CABP5: variants seen among roughly 807,000 people sequenced by gnomAD.
CABP5 encodes calcium-binding protein 5.
Under a neutral mutation model 21.9 loss-of-function variants are expected in CABP5, and 17 were observed. The ratio of observed to expected loss-of-function variants is 0.78; its 90% CI spans 0.53 to 1.17. The LOEUF is 1.17. CABP5 is among the 50% of genes most tolerant of loss of function. CABP5 has a pLI of 0.00. For missense variants in CABP5, 229 were observed against 228.9 expected, an observed-to-expected ratio of 1.00 and a Z score of 0.00; for synonymous variants, 85 against 79.4, an observed-to-expected ratio of 1.07 and a Z score of -0.37.
chr19:48,033,163 G>A (rs1295299719), intron 5 of CABP5, among the ~76,000 whole-genome samples: 1 of 151,928 alleles, frequency 6.6e-6, no homozygotes, highest in Middle Eastern at 3.4e-3. Context: ...CACCACTTCC[G>A]GCTAATTTTT....
At chr19:48,033,502 C>T (rs1028195792) in intron 5 of CABP5, among the ~76,000 whole-genome samples, 3 of 152,076 alleles carry the variant, frequency 2.0e-5, no homozygotes, top group South Asian at 2.1e-4. Context: ...GCCACGAATC[C>T]GTATTACTGC....
rs758495669 is a variant in CABP5 at position 48,034,234 on chromosome 19, G to C, written c.477C>G (p.Asp159Glu). The C allele has an allele frequency of 6.3e-7, 1 of 1,597,072 alleles. No homozygotes were observed. Among genetic ancestry groups the C allele is most frequent in the East Asian group, 2.3e-5 (1 of 43,112 alleles). Residue 159 changes from aspartate to glutamate, a missense_variant, in exon 5 of 6, where the codon GAC (aspartate) becomes GAG (glutamate). Physicochemically the swap from Asp to Glu is conservative, Grantham distance 45 (BLOSUM62 2). Coordinates refer to ENST00000293255, the MANE Select transcript of CABP5 (RefSeq NM_019855.5). ...EVVREADVNGDGTVDFEEFVK... is the reference protein window; with the variant it reads ...EVVREADVNGEGTVDFEEFVK... The stretch of plus-strand genomic sequence containing the variant: ...TGTCACCTTCAAAGTCAACTGTGCC[G>C]TCTCCATTAACATCAGCCTCCCGGA...
chr19:48,035,922 T>C (rs1040461194), intron 4 of CABP5, among the ~76,000 whole-genome samples: 4 of 152,200 alleles, frequency 2.6e-5, no homozygotes, highest in Non-Finnish European at 5.9e-5. Flanking sequence ...AGATCTGATA[T>C]ACATTTTAAA....
chr19:48,042,350 C>T (rs965602150), intron 1 of CABP5, among the ~76,000 whole-genome samples: 24 of 152,136 alleles, frequency 1.6e-4, no homozygotes, highest in Non-Finnish European at 8.8e-5. Context: ...CCAGCATGAC[C>T]AGTTCCTAAA....
Position 48,039,313 on chromosome 19 carries a change from A to G in CABP5, c.243T>C (p.Gly81=). The change falls in exon 4 of 6, where the codon GGT becomes GGC. Residue 81 remains glycine (G), a synonymous_variant. Transcript: ENST00000293255. ...ELGQQIRMNL[G]GRVDFDDFVE... ...CAAAGTCATCAAAGTCTACACGGCCACCCACTGAGGAAGATGGCACAGGAT... is the reference window on the plus strand; with the variant it reads ...CAAAGTCATCAAAGTCTACACGGCCGCCCACTGAGGAAGATGGCACAGGAT... The G allele has an allele frequency of 3.1e-6, 5 of 1,613,610 alleles. No homozygotes were observed. In the Middle Eastern group the frequency reaches 8.3e-4, roughly 266 times the overall value.
At chr19:48,038,634 CT>C (rs1747992132) in intron 4 of CABP5, among the ~76,000 whole-genome samples, 1 of 152,112 alleles carries the variant, frequency 6.6e-6, no homozygotes, top group Admixed American at 6.5e-5. Flanking sequence ...CGAGACCAGC[CT>C]GGTCAACATG....
chr19:48,043,855 C>G lies in CABP5; in HGVS notation c.63+5G>C, dbSNP rs1262782397. The G allele has an allele frequency of 1.1e-5, 17 of 1,500,930 alleles. No homozygotes were observed. The highest frequency in any genetic ancestry group is 1.5e-5 in the Non-Finnish European group (17 of 1,129,910). 93.0% of individuals were successfully genotyped at this position (1,500,930 alleles called of 1,614,324 possible). A position where few individuals can be genotyped will look rare whatever the true frequency, so the allele number is the denominator to read the frequency against. On this transcript the variant is annotated splice_donor_5th_base_variant and intron_variant, in intron 1 of 5. Transcript: ENST00000293255. ...ACCGCCCTTCCCCCTCACTCCCCAC[C>G]TCACCCGCTGTTTCTCAGCAATGCC...
intron 4 of CABP5, among the ~76,000 whole-genome samples, chr19:48,035,289 A>C (rs936030680): frequency 2.0e-5 from 3 of 152,064 alleles, no homozygotes; most frequent in Non-Finnish European, 2.9e-5. Flanking sequence ...TAAATGATAG[A>C]GTTTCCTTCT....
chr19:48,038,063 AC>A (rs1189102727), intron 4 of CABP5, among the ~76,000 whole-genome samples: 1 of 152,104 alleles, frequency 6.6e-6, no homozygotes, highest in Non-Finnish European at 1.5e-5. Flanking sequence ...ACAGGCGCCC[AC>A]CACCATGTCT....
At chr19:48,037,964 G>C (rs1967431951) in intron 4 of CABP5, among the ~76,000 whole-genome samples, 1 of 152,122 alleles carries the variant, frequency 6.6e-6, no homozygotes. Flanking sequence ...ACCCAGGCTG[G>C]AATGCAATGG....
intron 4 of CABP5, among the ~76,000 whole-genome samples, chr19:48,037,284 T>TTG (rs1555738243): frequency 5.5e-5 from 7 of 127,130 alleles, no homozygotes; most frequent in Non-Finnish European, 1.1e-4. Context: ...TTTTTTTTTT[T>TTG]TGAGGTGGAG....
chr19:48,043,925 A>G lies in CABP5; in HGVS notation c.-3T>C. ...GCGGGGCCCATGGGGAACTGCATGG[A>G]GGGGTGGGGTGGAGCTCGCAGGGCA... On this transcript the variant is annotated 5_prime_UTR_variant, in exon 1 of 6. Transcript: ENST00000293255. 6.7e-7 allele frequency: 1 copy of G among 1,503,690 alleles called. No homozygotes were observed. The highest frequency in any genetic ancestry group is 8.8e-7 in the Non-Finnish European group (1 of 1,132,150). 93.1% of individuals were successfully genotyped at this position (1,503,690 alleles called of 1,614,324 possible).
Position 48,041,604 on chromosome 19 carries a change from C to A in CABP5, c.64-1G>T. 1.2e-6 allele frequency: 2 copies of A among 1,610,536 alleles called. No individual in the cohort carries two copies. The highest frequency in any genetic ancestry group is 1.7e-6 in the Non-Finnish European group (2 of 1,178,978). ...TCTCATCTTGTCCCAGTGGTCTTTC[C>A]TGGAAAGGAATGCAGATGAGAGGGA... On this transcript the variant is annotated splice_acceptor_variant, in intron 1 of 5. Coordinates refer to ENST00000293255, the MANE Select transcript of CABP5 (RefSeq NM_019855.5). LOFTEE classifies it high-confidence loss of function.
chr19:48,034,329 C>A lies in CABP5; in HGVS notation c.382G>T (p.Val128Leu). The change falls in exon 5 of 6, where the codon GTG (valine) becomes TTG (leucine). Residue 128 changes from valine (V) to leucine (L), a missense_variant. Coordinates refer to ENST00000293255, the MANE Select transcript of CABP5 (RefSeq NM_019855.5). ...CTCTGCATGGCCTGCTGTAGCTCCA[C>A]CAGGGTGATCTCCCCATCTCCATTC... The part of the protein sequence containing the change: ...DTNGDGEITL[V>L]ELQQAMQRLL... 1.3e-6 allele frequency: 2 copies of A among 1,597,252 alleles called. No individual in the cohort carries two copies. The highest frequency in any genetic ancestry group is 1.1e-5 in the South Asian group (1 of 88,820).
intron 2 of CABP5, 37 bp downstream of exon 2, chr19:48,041,536 A>T (rs1370235619): frequency 6.2e-7 from 1 of 1,609,296 alleles, no homozygotes; most frequent in Non-Finnish European, 8.5e-7. Context: ...AGGTGGGTGG[A>T]TGGCAACGTG....
intron 4 of CABP5, among the ~76,000 whole-genome samples, chr19:48,037,245 G>C (rs921568021): frequency 3.3e-5 from 4 of 122,990 alleles, no homozygotes; most frequent in Non-Finnish European, 6.6e-5. Flanking sequence ...AGTACACAAT[G>C]GAATACTATT....
At chr19:48,032,334 C>CTTTT (rs11384879) in intron 5 of CABP5, among the ~76,000 whole-genome samples, 3 of 144,170 alleles carry the variant, frequency 2.1e-5, no homozygotes, top group Non-Finnish European at 1.5e-5. Context: ...TAATTTTGGA[C>CTTTT]TTTTTTTTTT....
At position 48,037,448 on chromosome 19, in the gene CABP5, A is replaced by G. The variant is rs150323634; in HGVS notation, c.348+1760T>C. On this transcript the variant is annotated intron_variant, in intron 4 of 5. Coordinates refer to ENST00000293255, the MANE Select transcript of CABP5 (RefSeq NM_019855.5). The stretch of plus-strand genomic sequence containing the variant: ...CACGCCTAGCTAATTTTGTATTTTT[A>G]GTAGAGACGGGGTTTCTCCATGTTG... Among the ~76,000 whole-genome samples, 1,408 of 151,476 alleles carry G rather than the reference A, an allele frequency of 9.3e-3. 24 individuals carry two copies. Among genetic ancestry groups the G allele is most frequent in the African/African-American group, 0.033 (1,344 of 41,338 alleles).
rs72005770 is a variant in CABP5 at position 48,029,798 on chromosome 19, CAG to C, written c.*757_*758del. On this transcript the variant is annotated 3_prime_UTR_variant, in exon 6 of 6. Coordinates refer to ENST00000293255, the MANE Select transcript of CABP5 (RefSeq NM_019855.5). ...GGGAGGGGAGACAGAGACAGACAGA[CAG>C]AGAGAGAGAGAGAGAGAGAGAGAGA... is the stretch of plus-strand genomic sequence containing the variant. 0.28 allele frequency among the ~76,000 whole-genome samples: 33,664 copies of C among 120,044 alleles called. 5,289 individuals carry two copies. Among genetic ancestry groups the C allele is most frequent in the East Asian group, 0.59 (2,610 of 4,430 alleles). The allele number at this position is 120,044 out of a possible 152,430, so 78.8% of individuals were successfully genotyped here.
Sources: gnomAD v4.1 joint callset for allele counts (sites outside exome capture counted in the v4.1 genomes callset) on GRCh38, gnomAD v4.1.1 for gene constraint, MANE v1.5 for transcripts, NCBI Gene and HGNC (gene_info 2026-07-23, HGNC 2026-07-21) for gene names.